Variants in TSNARE1 observed in about 807,000 individuals in gnomAD.
TSNARE1 encodes the protein t-SNARE domain-containing protein 1.
TSNARE1 carries 49 observed loss-of-function variants against 62.0 expected under a neutral mutation model. That is an observed-to-expected ratio of 0.79 (90% CI 0.63 to 1.00). TSNARE1 has a LOEUF of 1.00. Ranked by LOEUF, TSNARE1 falls within the 50% of genes least tolerant of loss-of-function variation. The probability of loss-of-function intolerance (pLI) is 0.00; values close to 1 mark genes in which losing one functional copy is unlikely to be tolerated. For missense variants in TSNARE1, 755 were observed against 700.1 expected, an observed-to-expected ratio of 1.08 and a Z score of -0.88; for synonymous variants, 328 against 294.4, an observed-to-expected ratio of 1.11 and a Z score of -1.17.
chr8:142,260,979 A>AGGGAGAAAGGTAGGAGGAC, intron 12 of TSNARE1, among the ~76,000 whole-genome samples: 1 of 1,294 alleles, frequency 7.7e-4, no homozygotes, highest in Admixed American at 0.012. Context: ...GGAGGGAGGG[A>AGGGAGAAAGGTAGGAGGAC]GGGAGGAGAG....
chr8:142,265,124 T>TTGTGTGTGTGTG (rs35377443), intron 12 of TSNARE1, among the ~76,000 whole-genome samples: 40,307 of 150,920 alleles, frequency 0.27, 5,689 homozygotes, highest in East Asian at 0.55. Flanking sequence ...TCTACTCAGT[T>TTGTGTGTGTGTG]TGTGTGTGTG....
intron 1 of TSNARE1, among the ~76,000 whole-genome samples, chr8:142,363,119 C>T (rs1356003336): frequency 6.6e-6 from 1 of 152,146 alleles, no homozygotes; most frequent in Admixed American, 6.5e-5. Context: ...CTGTCATCTC[C>T]CCACGTGGCT....
At chr8:142,213,331 T>C (rs1815667560) in intron 13 of TSNARE1, among the ~76,000 whole-genome samples, 1 of 144,888 alleles carries the variant, frequency 6.9e-6, no homozygotes. Context: ...GCCCCTCTCC[T>C]GGGGAGCAGG....
chr8:142,296,713 C>T (rs1314677378), intron 10 of TSNARE1, among the ~76,000 whole-genome samples: 1 of 151,744 alleles, frequency 6.6e-6, no homozygotes, highest in Non-Finnish European at 1.5e-5. Flanking sequence ...GAGGGCACGC[C>T]GTGGAAGCAG....
intron 6 of TSNARE1, among the ~76,000 whole-genome samples, chr8:142,326,766 C>T (rs889900009): frequency 2.6e-5 from 4 of 152,224 alleles, no homozygotes; most frequent in African/African-American, 9.7e-5. Context: ...GGAATCAACT[C>T]AACAGTAAAA....
At chr8:142,339,260 C>T (rs926340303) in intron 4 of TSNARE1, among the ~76,000 whole-genome samples, 1 of 152,112 alleles carries the variant, frequency 6.6e-6, no homozygotes, top group African/African-American at 2.4e-5. Flanking sequence ...CAGCCCATGC[C>T]GAAGGAGCGA....
intron 12 of TSNARE1, among the ~76,000 whole-genome samples, chr8:142,265,248 C>G (rs1053745742): frequency 1.3e-5 from 2 of 152,246 alleles, no homozygotes; most frequent in African/African-American, 4.8e-5. Context: ...ACAACTGCAC[C>G]CTACCCCACT....
rs538359911 is a variant in TSNARE1 at position 142,276,893 on chromosome 8, C to T, written c.1364-2030G>A. The stretch of plus-strand genomic sequence containing the variant: ...CTCACACAACCACTGCCCAGCTCCG[C>T]AGCCAGCAACATCTCCCTCAGCGCC... On this transcript the variant is annotated intron_variant, in intron 11 of 13. Transcript: ENST00000524325. The T allele has an allele frequency of 1.2e-4, 122 of 985,466 alleles. 1 individual carries two copies. The African/African-American group carries it at 2.0e-3, about 16-fold the overall frequency. The allele number at this position is 985,466 out of a possible 1,614,324, so 61.0% of individuals were successfully genotyped here. A position where few individuals can be genotyped will look rare whatever the true frequency, so the allele number is the denominator to read the frequency against.
intron 1 of TSNARE1, among the ~76,000 whole-genome samples, chr8:142,393,032 T>A (rs1176489874): frequency 1.3e-5 from 2 of 151,924 alleles, no homozygotes; most frequent in Non-Finnish European, 2.9e-5. Flanking sequence ...TAGGGATACT[T>A]TCTACTGGAT....
intron 12 of TSNARE1, among the ~76,000 whole-genome samples, chr8:142,254,658 T>C (rs1465516773): frequency 3.3e-5 from 5 of 152,028 alleles, no homozygotes; most frequent in Non-Finnish European, 7.4e-5. Flanking sequence ...TTCCGGCATA[T>C]GGGGAAGGCG....
At chr8:142,272,327 C>T (rs1478987090) in intron 12 of TSNARE1, among the ~76,000 whole-genome samples, 3 of 124,142 alleles carry the variant, frequency 2.4e-5, no homozygotes, top group Admixed American at 8.1e-5. Flanking sequence ...CATCCACCCG[C>T]CCGTCTACAC....
chr8:142,339,292 C>A (rs1055018826), intron 4 of TSNARE1, among the ~76,000 whole-genome samples: 2 of 152,040 alleles, frequency 1.3e-5, no homozygotes, highest in Non-Finnish European at 2.9e-5. Context: ...CGGCTCAAAG[C>A]GAAGTTGACG....
chr8:142,309,074 T>C (rs1827167768), intron 9 of TSNARE1, among the ~76,000 whole-genome samples: 1 of 152,208 alleles, frequency 6.6e-6, no homozygotes, highest in Non-Finnish European at 1.5e-5. Flanking sequence ...ATTATATCAG[T>C]CTTTAAATTT....
chr8:142,290,356 TTAG>T (rs1224147251), intron 10 of TSNARE1, among the ~76,000 whole-genome samples: 2 of 152,162 alleles, frequency 1.3e-5, no homozygotes, highest in Admixed American at 6.5e-5. Context: ...GACCCAGAAC[TTAG>T]TAGATGGTTA....
At chr8:142,253,586 C>T (rs1818284035) in intron 12 of TSNARE1, among the ~76,000 whole-genome samples, 1 of 150,678 alleles carries the variant, frequency 6.6e-6, no homozygotes, top group Non-Finnish European at 1.5e-5. Context: ...AGACCCACTG[C>T]AGTAGGGCGG....
At chr8:142,348,105 GAC>G (rs1833617450) in intron 2 of TSNARE1, among the ~76,000 whole-genome samples, 1 of 152,196 alleles carries the variant, frequency 6.6e-6, no homozygotes, top group Non-Finnish European at 1.5e-5. Context: ...TGTAAATGCA[GAC>G]AGTTATAAAT....
At chr8:142,350,918 C>A (rs886771862) in intron 2 of TSNARE1, among the ~76,000 whole-genome samples, 2 of 152,192 alleles carry the variant, frequency 1.3e-5, no homozygotes, top group African/African-American at 4.8e-5. Flanking sequence ...TCGGGAGGCT[C>A]CACGTTAAAC....
chr8:142,275,276 T>C lies in TSNARE1; in HGVS notation c.1364-413A>G, dbSNP rs568747287. The C allele has an allele frequency of 1.7e-4, 168 of 985,252 alleles. No homozygotes were observed. In the African/African-American group the frequency reaches 2.8e-3, roughly 16 times the overall value. 61.0% of individuals were successfully genotyped at this position (985,252 alleles called of 1,614,324 possible). On this transcript the variant is annotated intron_variant, in intron 11 of 13. Coordinates refer to ENST00000524325, the MANE Select transcript of TSNARE1 (RefSeq NM_145003.5). ...AGCCCCTGCCTTAACGTCTGTGGAG[T>C]TGCGACGCGGCTGATGGAGACCGGG... is the stretch of plus-strand genomic sequence containing the variant.
chr8:142,394,898 C>T lies in TSNARE1; in HGVS notation c.-40+8206G>A, dbSNP rs547536477. Among the ~76,000 whole-genome samples, 25 of 152,274 alleles carry T rather than the reference C, an allele frequency of 1.6e-4. 1 individual carries two copies. The highest frequency in any genetic ancestry group is 5.8e-4 in the African/African-American group (24 of 41,562). On this transcript the variant is annotated intron_variant, in intron 1 of 13. Coordinates refer to ENST00000524325, the MANE Select transcript of TSNARE1 (RefSeq NM_145003.5). Reference sequence around the variant, plus strand: ...CCTGCGCCCTGGGGACAGTGAGGTGCGCTAAGGGTGCAGGGCCCTAGAAGC... The same window carrying T: ...CCTGCGCCCTGGGGACAGTGAGGTGTGCTAAGGGTGCAGGGCCCTAGAAGC...
Sources: allele counts gnomAD v4.1 joint callset (sites outside exome capture counted in the v4.1 genomes callset), GRCh38; gene constraint gnomAD v4.1.1; transcripts MANE v1.5; gene names NCBI Gene and HGNC (gene_info 2026-07-23, HGNC 2026-07-21).